The following SHANK2 variants were observed in gnomAD, a reference collection of about 807,000 sequenced individuals.
SHANK2 encodes the protein SH3 and multiple ankyrin repeat domains protein 2.
Under a neutral mutation model 133.7 loss-of-function variants are expected in SHANK2, and 43 were observed. That is an observed-to-expected ratio of 0.32 (90% CI 0.25 to 0.41). SHANK2 has a LOEUF of 0.41. Among genes scored for constraint, SHANK2 ranks in the 10% least tolerant of loss-of-function variants. The probability of loss-of-function intolerance (pLI) is 1.00; values close to 1 mark genes in which losing one functional copy is unlikely to be tolerated. For synonymous variants in SHANK2, 1,017 were observed against 952.8 expected (o/e 1.07, Z -1.24); for missense variants, 1,994 against 2,235.8 (o/e 0.89, Z 2.18).
chr11:71,210,209 G>GGTGTATATATATGT (rs1321254027), intron 2 of SHANK2, among the ~76,000 whole-genome samples: 2 of 35,684 alleles, frequency 5.6e-5, no homozygotes, highest in Non-Finnish European at 1.0e-4. Context: ...GAAATCCACA[G>GGTGTATATATATGT]GTATATATAT....
Position 70,760,383 on chromosome 11 carries a change from C to T in SHANK2, c.1777+38060G>A, listed in dbSNP as rs147178105. Among the ~76,000 whole-genome samples, 16 of 152,318 alleles carry T rather than the reference C, an allele frequency of 1.1e-4. No homozygotes were observed. The East Asian group carries it at 2.9e-3, about 28-fold the overall frequency. On this transcript the variant is annotated intron_variant, in intron 14 of 25. Transcript: ENST00000601538. ...TAGTCTCCCTTCTAAATTTATAAAT[C>T]GTGCAATTCTTGGGCTGACATGTGA...
At chr11:70,867,871 G>T (rs564725030) in intron 11 of SHANK2, among the ~76,000 whole-genome samples, 2 of 152,068 alleles carry the variant, frequency 1.3e-5, no homozygotes, top group Admixed American at 1.3e-4. Context: ...CCCGCCTCCC[G>T]CCCATCCATC....
At chr11:71,101,819 C>T (rs369277617) in intron 6 of SHANK2, among the ~76,000 whole-genome samples, 4 of 152,284 alleles carry the variant, frequency 2.6e-5, no homozygotes, top group African/African-American at 7.2e-5. Flanking sequence ...AGGGGCTCCC[C>T]GTGACACAGC....
intron 14 of SHANK2, among the ~76,000 whole-genome samples, chr11:70,759,305 C>A (rs990670454): frequency 6.6e-6 from 1 of 151,462 alleles, no homozygotes; most frequent in Non-Finnish European, 1.5e-5. Flanking sequence ...AGCAGCCTGG[C>A]CAAACCCCGT....
chr11:70,746,563 C>T (rs1196729671), intron 14 of SHANK2, among the ~76,000 whole-genome samples: 23 of 117,552 alleles, frequency 2.0e-4, no homozygotes, highest in Admixed American at 1.3e-3. Context: ...TTCTCCAGGA[C>T]GGGAAGGCTG....
chr11:70,742,176 G>A (rs560539343), intron 14 of SHANK2, among the ~76,000 whole-genome samples: 1 of 152,266 alleles, frequency 6.6e-6, no homozygotes, highest in African/African-American at 2.4e-5. Context: ...ATCCCCTGTG[G>A]CCTCATGGGC....
chr11:70,583,763 C>T (rs1018051685), intron 17 of SHANK2, among the ~76,000 whole-genome samples: 9 of 152,212 alleles, frequency 5.9e-5, no homozygotes, highest in African/African-American at 1.9e-4. Context: ...CTTTTGTCCA[C>T]CCAGTGGCCA....
At chr11:71,138,827 A>G (rs1183718573) in intron 3 of SHANK2, among the ~76,000 whole-genome samples, 1 of 148,120 alleles carries the variant, frequency 6.8e-6, no homozygotes, top group Non-Finnish European at 1.5e-5. Flanking sequence ...AAGAAAAAGA[A>G]AAAGAAAAAT....
At chr11:70,792,574 C>T (rs532390388) in intron 14 of SHANK2, among the ~76,000 whole-genome samples, 3 of 152,334 alleles carry the variant, frequency 2.0e-5, no homozygotes, top group Non-Finnish European at 4.4e-5. Context: ...GAGTCACTCA[C>T]TTATTTCATT....
chr11:70,683,531 C>T (rs181157869), intron 15 of SHANK2, among the ~76,000 whole-genome samples: 44 of 152,310 alleles, frequency 2.9e-4, no homozygotes, highest in African/African-American at 1.0e-3. Context: ...TGCCACAAAC[C>T]GGGTGGTTTA....
intron 17 of SHANK2, among the ~76,000 whole-genome samples, chr11:70,601,157 T>C (rs1362092891): frequency 6.6e-6 from 1 of 152,166 alleles, no homozygotes; most frequent in Non-Finnish European, 1.5e-5. Context: ...GTTTAAGCGA[T>C]TCTCATGCCT....
At chr11:70,726,522 C>T (rs558857580) in intron 14 of SHANK2, among the ~76,000 whole-genome samples, 34 of 152,128 alleles carry the variant, frequency 2.2e-4, no homozygotes, top group African/African-American at 8.0e-4. Context: ...AGGGCTGGAA[C>T]GGAGGTGGAC....
chr11:70,876,325 G>A (rs1949564095), intron 11 of SHANK2, among the ~76,000 whole-genome samples: 1 of 145,916 alleles, frequency 6.9e-6, no homozygotes, highest in Admixed American at 7.0e-5. Flanking sequence ...ACTTTGGGAG[G>A]CCGAGGCGGG....
chr11:71,177,664 C>T (rs1156360207), intron 2 of SHANK2, among the ~76,000 whole-genome samples: 1 of 151,950 alleles, frequency 6.6e-6, no homozygotes, highest in Non-Finnish European at 1.5e-5. Flanking sequence ...TTAAATCAAA[C>T]CATTATCAAT....
intron 3 of SHANK2, among the ~76,000 whole-genome samples, chr11:71,140,799 T>C (rs1952540818): frequency 6.6e-6 from 1 of 151,326 alleles, no homozygotes; most frequent in Non-Finnish European, 1.5e-5. Flanking sequence ...GACGTGCTTC[T>C]GACTCATGCC....
rs985713378 is a variant in SHANK2 at position 71,188,094 on chromosome 11, C to T, written c.-13+36603G>A. Among the ~76,000 whole-genome samples, 60 of 152,204 alleles carry T rather than the reference C, an allele frequency of 3.9e-4. No homozygotes were observed. Among genetic ancestry groups the T allele is most frequent in the African/African-American group, 1.4e-3 (58 of 41,452 alleles). The stretch of plus-strand genomic sequence containing the variant: ...ACCCCACACAGTCCTTGCCACCACA[C>T]ATCTGCTCCTCCCATTAGAAACTGA... On this transcript the variant is annotated intron_variant, in intron 2 of 25. Transcript: ENST00000601538. This position sits in a 1 kb window ranked among gnomAD's most constrained non-coding sequence, Gnocchi z 4.6.
chr11:70,743,524 C>T (rs1946577355), intron 14 of SHANK2, among the ~76,000 whole-genome samples: 1 of 152,228 alleles, frequency 6.6e-6, no homozygotes, highest in Admixed American at 6.5e-5. Flanking sequence ...TTTGTTACAG[C>T]AGCCTGAGCT....
intron 14 of SHANK2, among the ~76,000 whole-genome samples, chr11:70,714,900 G>A (rs1945874924): frequency 6.6e-6 from 1 of 151,914 alleles, no homozygotes; most frequent in Non-Finnish European, 1.5e-5. Context: ...TGAACTTCTG[G>A]GCTCAAGCAA....
chr11:70,926,432 A>G (rs1382326271), intron 10 of SHANK2, among the ~76,000 whole-genome samples: 1 of 152,174 alleles, frequency 6.6e-6, no homozygotes, highest in Non-Finnish European at 1.5e-5. Flanking sequence ...TGTTTCCAAA[A>G]CAAAACAACC....
Sources: allele counts gnomAD v4.1 joint callset (sites outside exome capture counted in the v4.1 genomes callset), GRCh38; gene constraint gnomAD v4.1.1; non-coding constraint Gnocchi (gnomAD v3.1); transcripts MANE v1.5; gene names NCBI Gene and HGNC (gene_info 2026-07-23, HGNC 2026-07-21).